The following AGBL4 variants were observed in gnomAD, a reference collection of about 807,000 sequenced individuals.
The protein encoded by AGBL4 is cytosolic carboxypeptidase 6.
AGBL4 carries 58 observed loss-of-function variants against 66.4 expected under a neutral mutation model. The ratio of observed to expected loss-of-function variants is 0.87; its 90% CI spans 0.71 to 1.09. The LOEUF (loss-of-function observed/expected upper bound fraction) is 1.09. Ranked by LOEUF, AGBL4 falls within the 50% of genes least tolerant of loss-of-function variation. AGBL4 has a pLI of 0.00. For synonymous variants in AGBL4, 234 were observed against 222.9 expected (o/e 1.05, Z -0.44); for missense variants, 579 against 631.0 (o/e 0.92, Z 0.88).
intron 3 of AGBL4, among the ~76,000 whole-genome samples, chr1:49,315,545 C>G (rs1645024866): frequency 6.6e-6 from 1 of 151,942 alleles, no homozygotes; most frequent in African/African-American, 2.4e-5. Context: ...AACAAATTTA[C>G]AAGAAAAAAA....
intron 9 of AGBL4, among the ~76,000 whole-genome samples, chr1:48,619,886 C>T (rs906804255): frequency 2.6e-5 from 4 of 152,190 alleles, no homozygotes; most frequent in African/African-American, 9.7e-5. Flanking sequence ...CCAAGCCTCT[C>T]CTGGTGTCTG....
At chr1:48,561,418 C>T (rs923868743) in intron 11 of AGBL4, among the ~76,000 whole-genome samples, 7 of 152,122 alleles carry the variant, frequency 4.6e-5, no homozygotes, top group South Asian at 2.1e-4. Context: ...CTTTGGAACT[C>T]GTGATCACAC....
chr1:49,624,408 A>T (rs1371248622), intron 3 of AGBL4, among the ~76,000 whole-genome samples: 6 of 152,206 alleles, frequency 3.9e-5, no homozygotes, highest in South Asian at 4.1e-4. Context: ...CTAATTGCCT[A>T]TTGAATGTCT....
chr1:48,599,846 G>C (rs551873693), intron 9 of AGBL4, among the ~76,000 whole-genome samples: 5 of 152,290 alleles, frequency 3.3e-5, no homozygotes, highest in African/African-American at 9.6e-5. Flanking sequence ...GAAGAACCCT[G>C]GGGGAGAGGA....
chr1:49,257,783 C>T (rs557799255), intron 3 of AGBL4, among the ~76,000 whole-genome samples: 2 of 152,210 alleles, frequency 1.3e-5, no homozygotes, highest in South Asian at 4.2e-4. Context: ...GAGCTGTAGA[C>T]CAGAGCTGTT....
intron 6 of AGBL4, among the ~76,000 whole-genome samples, chr1:48,714,870 C>T (rs972194461): frequency 2.0e-5 from 3 of 152,228 alleles, no homozygotes; most frequent in African/African-American, 7.2e-5. Flanking sequence ...ATTTTTTAGT[C>T]GCTCATTCAT....
At chr1:49,247,823 T>G (rs1651764145) in intron 3 of AGBL4, among the ~76,000 whole-genome samples, 1 of 152,174 alleles carries the variant, frequency 6.6e-6, no homozygotes, top group Non-Finnish European at 1.5e-5. Context: ...ATTATTTGTT[T>G]ACTCCATTTA....
intron 1 of AGBL4, among the ~76,000 whole-genome samples, chr1:50,008,308 T>G (rs868212537): frequency 6.6e-6 from 1 of 152,198 alleles, no homozygotes; most frequent in Non-Finnish European, 1.5e-5. Flanking sequence ...AATAAAATTA[T>G]ATCAAGTATC....
At chr1:49,453,780 G>A (rs938262331) in intron 3 of AGBL4, among the ~76,000 whole-genome samples, 1 of 151,668 alleles carries the variant, frequency 6.6e-6, no homozygotes, top group East Asian at 1.9e-4. Context: ...ACTCAGAGCC[G>A]TGTATTTTAC....
intron 6 of AGBL4, among the ~76,000 whole-genome samples, chr1:48,865,264 A>T (rs1647920758): frequency 6.6e-6 from 1 of 152,162 alleles, no homozygotes; most frequent in African/African-American, 2.4e-5. Context: ...AGATAATAGC[A>T]TGATCCAATG....
chr1:49,174,225 A>G (rs1646790530), intron 4 of AGBL4, among the ~76,000 whole-genome samples: 1 of 152,186 alleles, frequency 6.6e-6, no homozygotes, highest in Non-Finnish European at 1.5e-5. Flanking sequence ...TAATCCAGTA[A>G]GAACTAGAAA....
Position 48,964,709 on chromosome 1 carries a change from A to G in AGBL4, c.594+80875T>C, listed in dbSNP as rs549402686. 2.6e-5 allele frequency among the ~76,000 whole-genome samples: 4 copies of G among 152,258 alleles called. No individual in the cohort carries two copies. In the South Asian group the frequency reaches 8.3e-4, roughly 32 times the overall value. ...TATGTGTCTCTTTCCTCTATATCAC[A>G]TTGCCTCTCCAAAGTGAAAATAAAT... On this transcript the variant is annotated intron_variant, in intron 5 of 13. Transcript: ENST00000371839.
intron 11 of AGBL4, among the ~76,000 whole-genome samples, chr1:48,563,684 A>G (rs564751051): frequency 1.3e-5 from 2 of 152,334 alleles, no homozygotes; most frequent in South Asian, 2.1e-4. Context: ...AGGTACATAG[A>G]AAAATACATT....
chr1:49,752,031 G>A (rs1020911511), intron 2 of AGBL4, among the ~76,000 whole-genome samples: 7 of 151,186 alleles, frequency 4.6e-5, no homozygotes, highest in Non-Finnish European at 7.4e-5. Context: ...ACCAGCTCCT[G>A]GATTCACTGA....
chr1:49,456,150 C>T (rs1362079228), intron 3 of AGBL4, among the ~76,000 whole-genome samples: 5 of 151,698 alleles, frequency 3.3e-5, no homozygotes, highest in South Asian at 2.1e-4. Flanking sequence ...CCTTCATCTT[C>T]CAAGTCTTTA....
chr1:49,950,163 CATAT>C (rs200899232), intron 1 of AGBL4, among the ~76,000 whole-genome samples: 1 of 142,362 alleles, frequency 7.0e-6, no homozygotes, highest in African/African-American at 2.6e-5. Context: ...TATATACACA[CATAT>C]ATATATACAT....
At chr1:49,445,150 GTTTTTTT>G (rs915564583) in intron 3 of AGBL4, among the ~76,000 whole-genome samples, 1 of 148,130 alleles carries the variant, frequency 6.8e-6, no homozygotes, top group Non-Finnish European at 1.5e-5. Flanking sequence ...ATGGCTGACA[GTTTTTTT>G]TTTCTTTCAG....
chr1:49,388,243 A>G (rs1394564221), intron 3 of AGBL4, among the ~76,000 whole-genome samples: 1 of 152,078 alleles, frequency 6.6e-6, no homozygotes, highest in Non-Finnish European at 1.5e-5. Flanking sequence ...CTGATAGTAA[A>G]TAGTTTAGGC....
At chr1:50,000,772 C>G (rs944932951) in intron 1 of AGBL4, among the ~76,000 whole-genome samples, 9 of 152,006 alleles carry the variant, frequency 5.9e-5, no homozygotes, top group Non-Finnish European at 1.5e-5. Context: ...TTCACAGCAA[C>G]CTGGACAAAA....
Sources: allele counts gnomAD v4.1 joint callset (sites outside exome capture counted in the v4.1 genomes callset), GRCh38; gene constraint gnomAD v4.1.1; transcripts MANE v1.5; gene names NCBI Gene and HGNC (gene_info 2026-07-23, HGNC 2026-07-21).